The following DPF3 variants were observed in gnomAD, a reference collection of about 807,000 sequenced individuals.
DPF3 encodes zinc finger protein DPF3.
In DPF3, 18 loss-of-function variants were observed where a neutral mutation model predicts 56.8. The observed-to-expected ratio is 0.32, with a 90% CI of 0.22 to 0.47. The LOEUF is 0.47. Among genes scored for constraint, DPF3 ranks in the 20% least tolerant of loss-of-function variants. DPF3 has a pLI of 1.00. For synonymous variants in DPF3, 188 were observed against 180.2 expected, an observed-to-expected ratio of 1.04 and a Z score of -0.35; for missense variants, 403 against 488.8, an observed-to-expected ratio of 0.82 and a Z score of 1.65.
chr14:72,757,778 G>T (rs1890897949), intron 2 of DPF3, among the ~76,000 whole-genome samples: 1 of 152,168 alleles, frequency 6.6e-6, no homozygotes, highest in Non-Finnish European at 1.5e-5. Context: ...TAAGGGACTT[G>T]AGTACCCACA....
At chr14:72,745,910 CA>C (rs1890305279) in intron 3 of DPF3, among the ~76,000 whole-genome samples, 2 of 152,064 alleles carry the variant, frequency 1.3e-5, no homozygotes, top group Non-Finnish European at 1.5e-5. Context: ...GACATACCCC[CA>C]AAAAAGGGAG....
chr14:72,740,329 T>C (rs1411161450), intron 3 of DPF3, among the ~76,000 whole-genome samples: 1 of 151,602 alleles, frequency 6.6e-6, no homozygotes, highest in Non-Finnish European at 1.5e-5. Context: ...ACAGAATCAC[T>C]CTGAGAATAA....
intron 8 of DPF3, among the ~76,000 whole-genome samples, chr14:72,644,715 C>A (rs1280555426): frequency 6.6e-6 from 1 of 152,178 alleles, no homozygotes; most frequent in Non-Finnish European, 1.5e-5. Flanking sequence ...CACAAGTGTT[C>A]AAAGATTCAC....
chr14:72,872,359 T>G (rs1324558655), intron 1 of DPF3, among the ~76,000 whole-genome samples: 1 of 152,224 alleles, frequency 6.6e-6, no homozygotes, highest in East Asian at 1.9e-4. Context: ...TTATGCAAAT[T>G]TCTGCAGCCG....
At chr14:72,676,705 G>C (rs774774703) in intron 7 of DPF3, among the ~76,000 whole-genome samples, 2 of 152,188 alleles carry the variant, frequency 1.3e-5, no homozygotes, top group Non-Finnish European at 1.5e-5. Context: ...TCTCTTGCCT[G>C]CTGCCATGTA....
chr14:72,674,106 A>G, intron 8 of DPF3, 134 bp downstream of exon 8: 1 of 1,305,554 alleles, frequency 7.7e-7, no homozygotes, highest in Non-Finnish European at 1.0e-6. Flanking sequence ...GAATGAGCTG[A>G]AAACTCCTCT....
At chr14:72,817,172 T>TC (rs985713434) in intron 1 of DPF3, among the ~76,000 whole-genome samples, 4 of 152,152 alleles carry the variant, frequency 2.6e-5, no homozygotes, top group Admixed American at 6.5e-5. Context: ...CCAGCTTGTC[T>TC]CCCATGACTC....
intron 1 of DPF3, among the ~76,000 whole-genome samples, chr14:72,889,734 C>T (rs932682388): frequency 6.6e-6 from 1 of 152,148 alleles, no homozygotes; most frequent in Non-Finnish European, 1.5e-5. Flanking sequence ...CTAGATTTGA[C>T]GTTCATCTAC....
intron 8 of DPF3, among the ~76,000 whole-genome samples, chr14:72,632,365 G>A (rs978731346): frequency 2.6e-5 from 4 of 152,118 alleles, no homozygotes; most frequent in Non-Finnish European, 1.5e-5. Context: ...AATATCAATT[G>A]CCTGGTTTTG....
At chr14:72,689,309 T>C (rs1342926305) in intron 7 of DPF3, among the ~76,000 whole-genome samples, 1 of 152,206 alleles carries the variant, frequency 6.6e-6, no homozygotes, top group African/African-American at 2.4e-5. Flanking sequence ...ACCCTGTGTC[T>C]GTAAGGCTGT....
intron 1 of DPF3, among the ~76,000 whole-genome samples, chr14:72,826,054 G>A (rs1178975522): frequency 6.6e-6 from 1 of 152,102 alleles, no homozygotes; most frequent in African/African-American, 2.4e-5. Context: ...GATCTCGGCG[G>A]GCTCTTCCAA....
chr14:72,767,092 G>A (rs1445143347), intron 2 of DPF3, among the ~76,000 whole-genome samples: 2 of 152,222 alleles, frequency 1.3e-5, no homozygotes, highest in African/African-American at 4.8e-5. Flanking sequence ...TAAAGAGGAT[G>A]TCAACAGAAG....
At chr14:72,730,061 C>T (rs1889576361) in intron 4 of DPF3, among the ~76,000 whole-genome samples, 1 of 151,938 alleles carries the variant, frequency 6.6e-6, no homozygotes, top group Non-Finnish European at 1.5e-5. Context: ...TTGCTGTGAA[C>T]CTAAAACTGC....
chr14:72,891,444 G>A lies in DPF3; in HGVS notation c.32+2613C>T, dbSNP rs554671427. Among the ~76,000 whole-genome samples, 86 of 151,734 alleles carry A rather than the reference G, an allele frequency of 5.7e-4. 1 individual carries two copies. The highest frequency in any genetic ancestry group is 2.8e-3 in the Admixed American group (43 of 15,230). ...CATAGCTCTCCAAACCATTCTCCCC[G>A]CTACCCCTCCTCCCTGCACCACCAC... On this transcript the variant is annotated intron_variant, in intron 1 of 10. Transcript: ENST00000556509.
intron 7 of DPF3, among the ~76,000 whole-genome samples, chr14:72,676,076 A>G (rs956089020): frequency 6.6e-6 from 1 of 152,208 alleles, no homozygotes; most frequent in African/African-American, 2.4e-5. Context: ...AAGCATCTCT[A>G]TGAAGCAAAT....
chr14:72,857,549 T>C (rs1385882552), intron 1 of DPF3, among the ~76,000 whole-genome samples: 1 of 152,092 alleles, frequency 6.6e-6, no homozygotes, highest in Non-Finnish European at 1.5e-5. Context: ...ATTTGGCACC[T>C]AGTACATGCT....
intron 1 of DPF3, among the ~76,000 whole-genome samples, chr14:72,788,383 G>A (rs766638927): frequency 4.8e-4 from 73 of 152,214 alleles, no homozygotes; most frequent in Non-Finnish European, 7.4e-4. Flanking sequence ...CAGGGCAGCG[G>A]ACCAGAGGAA....
intron 7 of DPF3, chr14:72,679,081 G>A (rs1028809673): frequency 2.6e-5 from 4 of 152,218 alleles, no homozygotes; most frequent in Non-Finnish European, 5.9e-5. Context: ...GCTCGCTACA[G>A]GATTTTTGAG....
At chr14:72,633,520 G>A (rs935082450) in intron 8 of DPF3, among the ~76,000 whole-genome samples, 2 of 152,092 alleles carry the variant, frequency 1.3e-5, no homozygotes, top group African/African-American at 2.4e-5. Context: ...GAAGCAAATC[G>A]GGTGAGTATG....
Sources: allele counts gnomAD v4.1 joint callset (sites outside exome capture counted in the v4.1 genomes callset), GRCh38; gene constraint gnomAD v4.1.1; transcripts MANE v1.5; gene names NCBI Gene and HGNC (gene_info 2026-07-23, HGNC 2026-07-21).